DIP2C: variants seen among roughly 807,000 people sequenced by gnomAD.
DIP2C encodes the protein DIP2 acetate--CoA ligase C (putative).
A neutral mutation model predicts 192.4 loss-of-function variants in DIP2C; 33 were observed. The ratio of observed to expected loss-of-function variants is 0.17; its 90% CI spans 0.13 to 0.23. The LOEUF (loss-of-function observed/expected upper bound fraction) is 0.23, where lower values mean the gene tolerates loss of function less well. Ranked by LOEUF, DIP2C falls within the 10% of genes least tolerant of loss-of-function variation. The probability of loss-of-function intolerance (pLI) is 1.00; values close to 1 mark genes in which losing one functional copy is unlikely to be tolerated. For missense variants in DIP2C, 1,537 were observed against 2,110.1 expected, an observed-to-expected ratio of 0.73 and a Z score of 5.32; for synonymous variants, 979 against 864.1, an observed-to-expected ratio of 1.13 and a Z score of -2.33.
At chr10:688,975 C>T (rs1486487710) in intron 1 of DIP2C, among the ~76,000 whole-genome samples, 1 of 152,212 alleles carries the variant, frequency 6.6e-6, no homozygotes, top group African/African-American at 2.4e-5. Flanking sequence ...ACAAGTTTCG[C>T]ATTGAAATCT....
intron 4 of DIP2C, among the ~76,000 whole-genome samples, chr10:440,508 G>A (rs1967642771): frequency 6.6e-6 from 1 of 152,166 alleles, no homozygotes; most frequent in Non-Finnish European, 1.5e-5. Flanking sequence ...TTTATATGAA[G>A]ATTTGAGAAC....
chr10:567,463 T>C (rs1849522748), intron 1 of DIP2C, among the ~76,000 whole-genome samples: 1 of 152,134 alleles, frequency 6.6e-6, no homozygotes, highest in African/African-American at 2.4e-5. Context: ...GACAGGCATC[T>C]GTTTTAACAG....
chr10:496,029 A>G (rs1844802791), intron 1 of DIP2C, among the ~76,000 whole-genome samples: 1 of 146,986 alleles, frequency 6.8e-6, no homozygotes, highest in Non-Finnish European at 1.5e-5. Context: ...CCTCCTGTGT[A>G]CTTACATCTC....
intron 1 of DIP2C, chr10:650,437 T>A: frequency 1.4e-6 from 1 of 711,078 alleles, no homozygotes; most frequent in Non-Finnish European, 2.6e-6. Context: ...AACATCTTCA[T>A]CTATGGTAGG....
At chr10:520,602 G>A (rs1846640006) in intron 1 of DIP2C, among the ~76,000 whole-genome samples, 1 of 152,178 alleles carries the variant, frequency 6.6e-6, no homozygotes, top group Non-Finnish European at 1.5e-5. Flanking sequence ...GGGCCGTCCT[G>A]ACCTGTCTGA....
intron 24 of DIP2C, among the ~76,000 whole-genome samples, chr10:354,754 C>A (rs1178239424): frequency 1.3e-5 from 2 of 151,954 alleles, no homozygotes; most frequent in Non-Finnish European, 2.9e-5. Context: ...CAGAAGGGAT[C>A]TGGGGTGCCG....
chr10:511,052 T>C (rs1235963734), intron 1 of DIP2C, among the ~76,000 whole-genome samples: 1 of 152,246 alleles, frequency 6.6e-6, no homozygotes, highest in Non-Finnish European at 1.5e-5. Flanking sequence ...TCAAGAGGTT[T>C]AAGACACACG....
At chr10:399,046 G>C (rs536388927) in intron 10 of DIP2C, 63 bp downstream of exon 10, 2 of 1,413,028 alleles carry the variant, frequency 1.4e-6, no homozygotes, top group African/African-American at 2.8e-5. Flanking sequence ...ACCCAGCCGG[G>C]ATACAGCCAC....
At chr10:317,393 C>T (rs989703211) in intron 31 of DIP2C, among the ~76,000 whole-genome samples, 4 of 152,158 alleles carry the variant, frequency 2.6e-5, no homozygotes, top group East Asian at 1.9e-4. Context: ...AGTAGCTGTG[C>T]GGAAAGCACC....
In DIP2C at chr10:348,537, T is replaced by C. The variant is rs1958631413; in HGVS notation, c.3231+104A>G. The C allele has an allele frequency of 2.6e-6, 4 of 1,531,266 alleles. No individual in the cohort carries two copies. The East Asian group carries it at 6.8e-5, about 26-fold the overall frequency. 94.9% of individuals were successfully genotyped at this position (1,531,266 alleles called of 1,614,324 possible). On this transcript the variant is annotated intron_variant, in intron 26 of 36. Transcript: ENST00000280886. ...CGTTTGACTCCAGACACACCCCGGC[T>C]TCCACAGCCAGCAGCTGCCCCAAGA...
intron 1 of DIP2C, among the ~76,000 whole-genome samples, chr10:586,220 C>T (rs575316915): frequency 6.6e-6 from 1 of 152,296 alleles, no homozygotes; most frequent in East Asian, 1.9e-4. Context: ...AATGGAAACA[C>T]ACATGGGAAG....
chr10:559,387 A>T (rs1849079085), intron 1 of DIP2C, among the ~76,000 whole-genome samples: 1 of 151,626 alleles, frequency 6.6e-6, no homozygotes, highest in Non-Finnish European at 1.5e-5. Flanking sequence ...CCCCACACAC[A>T]GTCGGCATCA....
intron 1 of DIP2C, among the ~76,000 whole-genome samples, chr10:545,098 T>TA (rs1452170931): frequency 6.6e-6 from 1 of 151,394 alleles, no homozygotes; most frequent in Admixed American, 6.6e-5. Flanking sequence ...ACAGGGCCTT[T>TA]AACGTGACAA....
intron 3 of DIP2C, among the ~76,000 whole-genome samples, chr10:464,713 A>G (rs1018940189): frequency 6.6e-6 from 1 of 152,202 alleles, no homozygotes; most frequent in African/African-American, 2.4e-5. Context: ...ACAATAGCAA[A>G]AACTCGGATC....
At chr10:348,203 G>T (rs185267201) in intron 26 of DIP2C, among the ~76,000 whole-genome samples, 4 of 152,352 alleles carry the variant, frequency 2.6e-5, no homozygotes, top group Non-Finnish European at 5.9e-5. Context: ...GGAAAATATA[G>T]CTGAATCCTC....
rs781236230 is a variant in DIP2C at position 472,474 on chromosome 10, C to T, written c.233G>A (p.Arg78Gln). Residue 78 changes from arginine (R) to glutamine (Q), a missense_variant, in exon 3 of 37, where the codon CGG (arginine) becomes CAG (glutamine). Coordinates refer to ENST00000280886, the MANE Select transcript of DIP2C (RefSeq NM_014974.3). The part of the protein sequence containing the change: ...PSSASRYHRR[R>Q]SSGSRDERYR... ...GCGCTCATCTCGTGACCCTGAAGACCGTCGGCGGTGGTAGCGAGAGGCGGA... is the reference window on the plus strand; with the variant it reads ...GCGCTCATCTCGTGACCCTGAAGACTGTCGGCGGTGGTAGCGAGAGGCGGA... 2.4e-5 allele frequency: 38 copies of T among 1,614,174 alleles called. No individual in the cohort carries two copies. The highest frequency in any genetic ancestry group is 2.9e-5 in the Non-Finnish European group (34 of 1,180,032).
intron 34 of DIP2C, among the ~76,000 whole-genome samples, chr10:285,759 G>A (rs898026040): frequency 6.6e-6 from 1 of 152,238 alleles, no homozygotes; most frequent in Non-Finnish European, 1.5e-5. Flanking sequence ...ACAGTGGCAG[G>A]GAGTTAAGAG....
At chr10:550,275 G>A (rs1008732333) in intron 1 of DIP2C, among the ~76,000 whole-genome samples, 3 of 151,548 alleles carry the variant, frequency 2.0e-5, no homozygotes, top group African/African-American at 7.3e-5. Flanking sequence ...CTCCCAAACT[G>A]CTGGGAATAC....
chr10:320,508 C>CA (rs71505870), intron 31 of DIP2C, among the ~76,000 whole-genome samples: 28,947 of 106,450 alleles, frequency 0.27, 3,473 homozygotes, highest in African/African-American at 0.39. Context: ...GACTCCGTCT[C>CA]AAAAAAAAAA....
Sources: gnomAD v4.1 joint callset for allele counts (sites outside exome capture counted in the v4.1 genomes callset) on GRCh38, gnomAD v4.1.1 for gene constraint, MANE v1.5 for transcripts, NCBI Gene and HGNC (gene_info 2026-07-23, HGNC 2026-07-21) for gene names.